Variants in YES1 observed in about 807,000 individuals in gnomAD.
The protein encoded by YES1 is YES proto-oncogene 1, Src family tyrosine kinase.
YES1 carries 39 observed loss-of-function variants against 70.4 expected under a neutral mutation model. That is an observed-to-expected ratio of 0.55 (90% confidence interval 0.43 to 0.72). The LOEUF (loss-of-function observed/expected upper bound fraction) is 0.72. Ranked by LOEUF, YES1 falls within the 30% of genes least tolerant of loss-of-function variation. The pLI, the probability that YES1 is intolerant of heterozygous loss-of-function variation, is 0.00. For missense variants in YES1, 495 were observed against 644.8 expected (o/e 0.77, Z 2.52); for synonymous variants, 198 against 218.6 (o/e 0.91, Z 0.83).
At chr18:762,640 A>T (rs1904653993) in intron 1 of YES1, among the ~76,000 whole-genome samples, 1 of 152,172 alleles carries the variant, frequency 6.6e-6, no homozygotes, top group South Asian at 2.1e-4. Flanking sequence ...ATTAAAAAAA[A>T]CTATATACTG....
Position 723,925 on chromosome 18 carries a change from A to G in YES1, c.*499T>C, listed in dbSNP as rs1271518437. On this transcript the variant is annotated 3_prime_UTR_variant, in exon 12 of 12. Transcript: ENST00000314574. ...AAGCATATATTAAGATTGCATACTG[A>G]CTGTTTAACTTAGAAAAAACTTTTG... 1 of 156,710 alleles carries G rather than the reference A, an allele frequency of 6.4e-6. No homozygotes were observed. The highest frequency in any genetic ancestry group is 1.4e-5 in the Non-Finnish European group (1 of 70,430). 9.7% of individuals were successfully genotyped at this position (156,710 alleles called of 1,614,324 possible).
intron 2 of YES1, among the ~76,000 whole-genome samples, chr18:752,321 G>A (rs2080353383): frequency 1.3e-5 from 2 of 152,204 alleles, no homozygotes; most frequent in South Asian, 4.1e-4. Context: ...GGTTAGCCAG[G>A]TTGGTTTTGA....
At chr18:753,030 T>C (rs956607128) in intron 2 of YES1, among the ~76,000 whole-genome samples, 12 of 152,204 alleles carry the variant, frequency 7.9e-5, no homozygotes, top group Admixed American at 7.2e-4. Context: ...TATGTGCAGA[T>C]GCTTAAAGAG....
chr18:775,522 T>C (rs1334860617), intron 1 of YES1, among the ~76,000 whole-genome samples: 1 of 152,114 alleles, frequency 6.6e-6, no homozygotes, highest in Admixed American at 6.6e-5. Context: ...CACGGCCGGA[T>C]GTAGTGGCTC....
chr18:799,279 A>G (rs1029481349), intron 1 of YES1, among the ~76,000 whole-genome samples: 7 of 152,244 alleles, frequency 4.6e-5, no homozygotes, highest in Admixed American at 3.3e-4. Context: ...CTTCTATGGT[A>G]TGCAGCCCTC....
intron 11 of YES1, among the ~76,000 whole-genome samples, chr18:731,733 C>T (rs140669048): frequency 0.011 from 1,671 of 152,060 alleles, 35 homozygotes; most frequent in African/African-American, 0.037. Flanking sequence ...TCTGGGAGGC[C>T]GAGGCGGGCA....
chr18:799,569 G>A lies in YES1; in HGVS notation c.-9+12545C>T, dbSNP rs1323774115. On this transcript the variant is annotated intron_variant, in intron 1 of 11. Transcript: ENST00000314574. ...TACTAAAAATACAAAAAGTAGCCAG[G>A]CAAGGTGGTGCATGCCCGTAATGAG... 2.6e-5 allele frequency among the ~76,000 whole-genome samples: 4 copies of A among 152,084 alleles called. No individual in the cohort carries two copies. The East Asian group carries it at 7.7e-4, about 29-fold the overall frequency.
At chr18:770,741 C>G (rs1290692177) in intron 1 of YES1, among the ~76,000 whole-genome samples, 1 of 152,118 alleles carries the variant, frequency 6.6e-6, no homozygotes, top group Non-Finnish European at 1.5e-5. Flanking sequence ...CTGCTGTTGT[C>G]CAAAGTCTAA....
chr18:765,399 C>CTT (rs1160937016), intron 1 of YES1, among the ~76,000 whole-genome samples: 1,440 of 123,462 alleles, frequency 0.012, 49 homozygotes, highest in South Asian at 0.029. Context: ...TAATTTAACA[C>CTT]TTTTTTTTTT....
At chr18:732,435 T>TAAAA (rs11460599) in intron 11 of YES1, among the ~76,000 whole-genome samples, 19 of 90,466 alleles carry the variant, frequency 2.1e-4, no homozygotes, top group East Asian at 3.6e-4. Context: ...AGACTGTGTT[T>TAAAA]AAAAAAAAAA....
rs201205204 is a variant in YES1 at position 745,964 on chromosome 18, C to T, written c.558G>A (p.Glu186=). ...GNQRGIFLVR[E]SETTKGAYSL... Reference sequence around the variant, plus strand: ...TATTCATACCTTTAGTTGTTTCACTCTCTCTTACTAAGAAAATACCTCGTT... The same window carrying T: ...TATTCATACCTTTAGTTGTTTCACTTTCTCTTACTAAGAAAATACCTCGTT... Residue 186 remains glutamate, a synonymous_variant, in exon 5 of 12, where the codon GAG becomes GAA. Transcript: ENST00000314574. The T allele has an allele frequency of 3.7e-6, 6 of 1,612,506 alleles. No homozygotes were observed. The African/African-American group carries it at 5.3e-5, about 14-fold the overall frequency.
rs1294904121 is a variant in YES1 at position 742,962 on chromosome 18, A to G, written c.1016T>C (p.Val339Ala). 6.2e-7 allele frequency: 1 copy of G among 1,601,044 alleles called. No individual in the cohort carries two copies. The highest frequency in any genetic ancestry group is 1.1e-5 in the South Asian group (1 of 87,346). ...HDKLVPLYAV[V>A]SEEPIYIVTE... Reference sequence around the variant, plus strand: ...GACAATGTAAATTGGTTCTTCAGAAACAACAGCATATAGTGGAACAAGTTT... The same window carrying G: ...GACAATGTAAATTGGTTCTTCAGAAGCAACAGCATATAGTGGAACAAGTTT... The change falls in exon 8 of 12, where the codon GTT becomes GCT. Residue 339 changes from valine to alanine, a missense_variant. Physicochemically the swap from Val to Ala is moderately conservative, Grantham distance 64. Coordinates refer to ENST00000314574, the MANE Select transcript of YES1 (RefSeq NM_005433.4).
intron 1 of YES1, among the ~76,000 whole-genome samples, chr18:766,760 T>C (rs529376826): frequency 5.3e-5 from 8 of 152,128 alleles, no homozygotes; most frequent in Non-Finnish European, 1.2e-4. Flanking sequence ...AACTAAAGTG[T>C]CTGTTCAAAT....
rs950073028 is a variant in YES1, at chr18:723,064, C to G, written c.*1360G>C. On this transcript the variant is annotated 3_prime_UTR_variant, in exon 12 of 12. Transcript: ENST00000314574. ...CCGAGATCGCGCCACTGCACTCCAG[C>G]CTGGGCGACAGAGCGAGACTCCGTC... The G allele has an allele frequency of 6.6e-6, 1 of 152,096 alleles. No individual in the cohort carries two copies. The highest frequency in any genetic ancestry group is 1.5e-5 in the Non-Finnish European group (1 of 68,030). 9.4% of individuals were successfully genotyped at this position (152,096 alleles called of 1,614,324 possible).
At chr18:750,929 C>A (rs1321224681) in intron 3 of YES1, among the ~76,000 whole-genome samples, 1 of 152,150 alleles carries the variant, frequency 6.6e-6, no homozygotes, top group Non-Finnish European at 1.5e-5. Flanking sequence ...TTCAGTATGT[C>A]TGGGTATTAG....
chr18:747,832 T>G, intron 4 of YES1, 88 bp downstream of exon 4: 1 of 1,186,724 alleles, frequency 8.4e-7, no homozygotes, highest in Non-Finnish European at 1.2e-6. Context: ...TATATAATTC[T>G]GTGTGTGTAA....
intron 1 of YES1, among the ~76,000 whole-genome samples, chr18:780,679 C>G (rs1351111469): frequency 6.6e-6 from 1 of 152,178 alleles, no homozygotes; most frequent in Non-Finnish European, 1.5e-5. Context: ...AGGACCTGAC[C>G]ATACTGCCCT....
chr18:774,231 A>G (rs988681419), intron 1 of YES1, among the ~76,000 whole-genome samples: 1 of 152,128 alleles, frequency 6.6e-6, no homozygotes, highest in Non-Finnish European at 1.5e-5. Context: ...TCTCCCTGAC[A>G]TCTACACACT....
intron 1 of YES1, among the ~76,000 whole-genome samples, chr18:771,332 A>G (rs1387969221): frequency 1.3e-5 from 2 of 151,802 alleles, no homozygotes; most frequent in South Asian, 2.1e-4. Context: ...GCACCACTAC[A>G]CTACAGCCTG....
Sources: allele counts gnomAD v4.1 joint callset (sites outside exome capture counted in the v4.1 genomes callset), GRCh38; gene constraint gnomAD v4.1.1; transcripts MANE v1.5; gene names NCBI Gene and HGNC (gene_info 2026-07-23, HGNC 2026-07-21).